PCCA: variants seen among roughly 807,000 people sequenced by gnomAD.
PCCA encodes the protein propionyl-CoA carboxylase subunit alpha.
PCCA carries 74 observed loss-of-function variants against 101.3 expected under a neutral mutation model. The observed-to-expected ratio is 0.73, with a 90% CI of 0.61 to 0.89. The LOEUF (loss-of-function observed/expected upper bound fraction) is 0.89. PCCA is among the 40% of genes least tolerant of loss of function. The pLI is 0.00. For synonymous variants in PCCA, 294 were observed against 313.6 expected (o/e 0.94, Z 0.66); for missense variants, 891 against 907.0 (o/e 0.98, Z 0.23).
rs546292491 is a variant in PCCA at position 100,134,795 on chromosome 13, T to C, written c.301-20184T>C. Among the ~76,000 whole-genome samples, 63 of 152,136 alleles carry C rather than the reference T, an allele frequency of 4.1e-4. 1 individual carries two copies. The highest frequency in any genetic ancestry group is 3.7e-3 in the Admixed American group (56 of 15,290). ...TCCTGAACTCCTGTGCTCAAGCAGT[T>C]CTCTTGCTTTGGGATTACAGGTGTG... On this transcript the variant is annotated intron_variant, in intron 4 of 23. Coordinates refer to ENST00000376285, the MANE Select transcript of PCCA (RefSeq NM_000282.4).
At position 100,102,884 on chromosome 13, in the gene PCCA, A is replaced by G. The variant is rs1226599854; in HGVS notation, c.107A>G (p.His36Arg). The change falls in exon 2 of 24, where the codon CAT (histidine) becomes CGT (arginine). Residue 36 changes from histidine to arginine, a missense_variant and splice_region_variant. By Grantham distance (29) the His-to-Arg change is conservative (BLOSUM62 0). Transcript: ENST00000376285. ...TATTTTGCTTTCCTTTTTTTGTAGC[A>G]TGTTCTGTACTATTCAAGACAGTGC... ...MLSAALRTLK[H>R]VLYYSRQCLM... 3 of 1,608,270 alleles carry G rather than the reference A, an allele frequency of 1.9e-6. No homozygotes were observed. Among genetic ancestry groups the G allele is most frequent in the Non-Finnish European group, 2.6e-6 (3 of 1,174,902 alleles).
chr13:100,298,835 A>G (rs2065843474), intron 12 of PCCA, among the ~76,000 whole-genome samples: 1 of 150,704 alleles, frequency 6.6e-6, no homozygotes, highest in African/African-American at 2.5e-5. Flanking sequence ...ATTGCTAAGC[A>G]CTTGGGAATA....
At chr13:100,185,227 A>G (rs2057149411) in intron 6 of PCCA, among the ~76,000 whole-genome samples, 1 of 152,174 alleles carries the variant, frequency 6.6e-6, no homozygotes, top group Admixed American at 6.5e-5. Context: ...TATGCATCCT[A>G]TGACCCTGGA....
At chr13:100,362,888 C>T (rs551811196) in intron 18 of PCCA, among the ~76,000 whole-genome samples, 4 of 152,260 alleles carry the variant, frequency 2.6e-5, no homozygotes, top group African/African-American at 9.6e-5. Context: ...TCTAATCCTC[C>T]TCTATGCCAA....
intron 4 of PCCA, among the ~76,000 whole-genome samples, chr13:100,136,857 T>G (rs898181275): frequency 6.6e-6 from 1 of 152,014 alleles, no homozygotes; most frequent in Non-Finnish European, 1.5e-5. Flanking sequence ...TTAGGTTGCA[T>G]TGATGTCTTT....
chr13:100,247,996 T>G (rs1566791222), intron 8 of PCCA, among the ~76,000 whole-genome samples: 1 of 152,224 alleles, frequency 6.6e-6, no homozygotes, highest in Non-Finnish European at 1.5e-5. Context: ...ATGATATTAA[T>G]ATTCCTAAAC....
At chr13:100,103,598 C>G (rs1372699929) in intron 2 of PCCA, among the ~76,000 whole-genome samples, 2 of 151,038 alleles carry the variant, frequency 1.3e-5, no homozygotes, top group African/African-American at 2.4e-5. Flanking sequence ...AGGCATGAGC[C>G]ACCGTGCACC....
At chr13:100,172,624 A>C (rs1178744657) in intron 6 of PCCA, among the ~76,000 whole-genome samples, 2 of 152,248 alleles carry the variant, frequency 1.3e-5, no homozygotes, top group Non-Finnish European at 2.9e-5. Flanking sequence ...AAAGACAATC[A>C]GGAATTAATG....
chr13:100,165,518 T>C (rs1358450011), intron 6 of PCCA, among the ~76,000 whole-genome samples: 1 of 152,206 alleles, frequency 6.6e-6, no homozygotes, highest in Non-Finnish European at 1.5e-5. Flanking sequence ...CACATTTTCT[T>C]TAATGAAAAA....
At chr13:100,111,220 A>G (rs2048288322) in intron 2 of PCCA, among the ~76,000 whole-genome samples, 1 of 127,006 alleles carries the variant, frequency 7.9e-6, no homozygotes, top group African/African-American at 3.1e-5. Context: ...TTTAGTAGAG[A>G]CAGGGTTTCA....
chr13:100,498,659 C>T (rs2085448587), intron 21 of PCCA, among the ~76,000 whole-genome samples: 1 of 152,124 alleles, frequency 6.6e-6, no homozygotes, highest in Non-Finnish European at 1.5e-5. Flanking sequence ...ACTCCCTATT[C>T]CCCCACCTCC....
chr13:100,521,291 C>T (rs149931201), intron 22 of PCCA, among the ~76,000 whole-genome samples: 10 of 152,348 alleles, frequency 6.6e-5, no homozygotes, highest in Non-Finnish European at 1.5e-4. Flanking sequence ...AAGGGGAGCA[C>T]CAGGCAGACG....
Position 100,262,811 on chromosome 13 carries a change from C to T in PCCA, c.799C>T (p.Pro267Ser). Reference sequence around the variant, plus strand: ...ACTAATAGAAAAATTTATTGATAATCCTCGTCATATAGAAATCCAGGTTGG... The same window carrying T: ...ACTAATAGAAAAATTTATTGATAATTCTCGTCATATAGAAATCCAGGTTGG... ...RLLIEKFIDN[P>S]RHIEIQVLGD... is the part of the protein sequence containing the mutation. Residue 267 changes from proline (P) to serine (S), a missense_variant, in exon 10 of 24, where the codon CCT (proline) becomes TCT (serine). Pro to Ser is a moderately conservative substitution (Grantham distance 74, BLOSUM62 -1). Transcript: ENST00000376285. 6.8e-7 allele frequency: 1 copy of T among 1,465,420 alleles called. No individual in the cohort carries two copies. The highest frequency in any genetic ancestry group is 9.5e-7 in the Non-Finnish European group (1 of 1,047,878). The allele number at this position is 1,465,420 out of a possible 1,614,324, so 90.8% of individuals were successfully genotyped here. A position where few individuals can be genotyped will look rare whatever the true frequency, so the allele number is the denominator to read the frequency against.
chr13:100,512,100 A>G (rs1298637699), intron 21 of PCCA, among the ~76,000 whole-genome samples: 1 of 152,106 alleles, frequency 6.6e-6, no homozygotes, highest in Non-Finnish European at 1.5e-5. Context: ...TGCTGCAGCA[A>G]CCACTCTCAG....
chr13:100,232,385 T>G (rs1210644723), intron 7 of PCCA, among the ~76,000 whole-genome samples: 18 of 149,940 alleles, frequency 1.2e-4, no homozygotes, highest in African/African-American at 4.5e-4. Flanking sequence ...TGTGTGTGTG[T>G]GTGTGTGGTT....
At chr13:100,290,349 C>A (rs1244275721) in intron 12 of PCCA, among the ~76,000 whole-genome samples, 1 of 151,904 alleles carries the variant, frequency 6.6e-6, no homozygotes, top group African/African-American at 2.4e-5. Flanking sequence ...GTAGCTGGGA[C>A]CATAGGTGCA....
In PCCA at chr13:100,445,090, T is replaced by C. The variant is rs919474722; in HGVS notation, c.1846-4162T>C. ...TTCATGGTAGAAGGCAAAGGGGAGC[T>C]GGTGTGTGTGGAGGTCACAGAGTGA... is the stretch of plus-strand genomic sequence containing the variant. On this transcript the variant is annotated intron_variant, in intron 20 of 23. Transcript: ENST00000376285. 5.9e-5 allele frequency among the ~76,000 whole-genome samples: 9 copies of C among 152,240 alleles called. No individual in the cohort carries two copies. The South Asian group carries it at 1.9e-3, about 32-fold the overall frequency.
In PCCA at chr13:100,300,637, C is replaced by T. The variant is rs562634201; in HGVS notation, c.1066-823C>T. 9.9e-5 allele frequency among the ~76,000 whole-genome samples: 15 copies of T among 152,280 alleles called. No homozygotes were observed. In the South Asian group the frequency reaches 1.5e-3, roughly 15 times the overall value. ...GAACTTATTCAAGGTTTTAGATGAA[C>T]GGTAGACTTTTCCAGTGACTTAAGT... On this transcript the variant is annotated intron_variant, in intron 12 of 23. Coordinates refer to ENST00000376285, the MANE Select transcript of PCCA (RefSeq NM_000282.4).
At chr13:100,367,557 G>T (rs1306377906) in intron 18 of PCCA, among the ~76,000 whole-genome samples, 2 of 151,420 alleles carry the variant, frequency 1.3e-5, no homozygotes, top group Non-Finnish European at 1.5e-5. Context: ...AACATAATAA[G>T]TGGGTATCTG....
Sources: allele counts gnomAD v4.1 joint callset (sites outside exome capture counted in the v4.1 genomes callset), GRCh38; gene constraint gnomAD v4.1.1; transcripts MANE v1.5; gene names NCBI Gene and HGNC (gene_info 2026-07-23, HGNC 2026-07-21).